DGKI: variants seen among roughly 807,000 people sequenced by gnomAD.
The protein encoded by DGKI is DAG kinase iota.
In DGKI, 55 loss-of-function variants were observed where a neutral mutation model predicts 147.5. That is an observed-to-expected ratio of 0.37 (90% CI 0.30 to 0.47). DGKI has a LOEUF of 0.47. Ranked by LOEUF, DGKI falls within the 20% of genes least tolerant of loss-of-function variation. The pLI, the probability that DGKI is intolerant of heterozygous loss-of-function variation, is 1.00. For missense variants in DGKI, 1,007 were observed against 1,323.8 expected, an observed-to-expected ratio of 0.76 and a Z score of 3.71; for synonymous variants, 469 against 477.1, an observed-to-expected ratio of 0.98 and a Z score of 0.22.
chr7:137,534,335 T>G (rs1817446110), intron 20 of DGKI, among the ~76,000 whole-genome samples: 1 of 152,078 alleles, frequency 6.6e-6, no homozygotes, highest in Admixed American at 6.6e-5. Flanking sequence ...AATATTTAGG[T>G]TTTTTGTTTT....
chr7:137,469,765 G>C (rs1043528182), intron 23 of DGKI, 146 bp from the exon 24 acceptor site: 1 of 540,478 alleles, frequency 1.9e-6, no homozygotes, highest in Non-Finnish European at 3.1e-6. Context: ...ACAAAGAAGG[G>C]CTCTTTTTTG....
At chr7:137,718,383 G>A (rs1794446333) in intron 1 of DGKI, among the ~76,000 whole-genome samples, 1 of 152,166 alleles carries the variant, frequency 6.6e-6, no homozygotes, top group South Asian at 2.1e-4. Flanking sequence ...GAGGAGAGAT[G>A]CCCACCCTGC....
rs201882786 is a variant in DGKI, at chr7:137,678,681, A to AT, written c.511-30dup. 5,590 of 1,471,792 alleles carry AT rather than the reference A, an allele frequency of 3.8e-3. 2 individuals carry two copies. Among genetic ancestry groups the AT allele is most frequent in the African/African-American group, 8.7e-3 (616 of 71,132 alleles). 91.2% of individuals were successfully genotyped at this position (1,471,792 alleles called of 1,614,324 possible). On this transcript the variant is annotated intron_variant, in intron 2 of 32. Transcript: ENST00000614521. ...CAAGGAAAAGACCCACCTGACATCA[A>AT]TTTTTTTTTTCCAGGGATAAGGAAA...
At chr7:137,466,128 A>G (rs1368514686) in intron 25 of DGKI, 93 bp from the exon 26 acceptor site, 1 of 1,456,044 alleles carries the variant, frequency 6.9e-7, no homozygotes, top group Non-Finnish European at 9.5e-7. Context: ...GTGTCAAAGG[A>G]TCACACTGTG....
In DGKI at chr7:137,397,406, G is replaced by A. The variant is rs745663362; in HGVS notation, c.2928C>T (p.Ser976=). The A allele has an allele frequency of 3.3e-5, 54 of 1,612,722 alleles. No individual in the cohort carries two copies. Among genetic ancestry groups the A allele is most frequent in the South Asian group, 2.4e-4 (22 of 90,862 alleles). ...CACTGTCTGCCATATCCAATAACTC[G>A]GAAGGTCCTAAATAAGAAGAAAGCA... The part of the protein sequence containing the change: ...IVKYILDHGP[S]ELLDMADSET... Residue 976 remains serine (S), a synonymous_variant, in exon 31 of 33, where the codon TCC becomes TCT. Transcript: ENST00000614521.
chr7:137,751,940 C>G (rs1795500428), intron 1 of DGKI, among the ~76,000 whole-genome samples: 1 of 152,100 alleles, frequency 6.6e-6, no homozygotes, highest in Non-Finnish European at 1.5e-5. Context: ...AACAAAGCAG[C>G]ATCACTTTAT....
At chr7:137,579,436 TAA>T (rs71533758) in intron 15 of DGKI, among the ~76,000 whole-genome samples, 16 of 108,140 alleles carry the variant, frequency 1.5e-4, no homozygotes, top group Non-Finnish European at 2.3e-4. Context: ...ACAGAAACAG[TAA>T]AAAAAAAAAA....
chr7:137,607,286 T>C (rs1056300629), intron 10 of DGKI, among the ~76,000 whole-genome samples: 1 of 152,242 alleles, frequency 6.6e-6, no homozygotes, highest in Non-Finnish European at 1.5e-5. Context: ...AGAAGTCACA[T>C]GCAGTTAATG....
At chr7:137,450,148 G>A (rs1813894809) in intron 27 of DGKI, among the ~76,000 whole-genome samples, 1 of 152,108 alleles carries the variant, frequency 6.6e-6, no homozygotes, top group Non-Finnish European at 1.5e-5. Flanking sequence ...GAGGGAGATG[G>A]GAGACATGCT....
At chr7:137,704,914 T>G (rs1314217830) in intron 1 of DGKI, among the ~76,000 whole-genome samples, 1 of 152,142 alleles carries the variant, frequency 6.6e-6, no homozygotes, top group East Asian at 1.9e-4. Flanking sequence ...AACCAAGAAT[T>G]TTATATCCAG....
rs76949369 is a variant in DGKI, at chr7:137,405,601, T to A, written c.2920+2274A>T. The stretch of plus-strand genomic sequence containing the variant: ...TTTCACAGCTCATGCCATCAAACAG[T>A]GGAATCTGTTTCCCAACCTTTTAAA... On this transcript the variant is annotated intron_variant, in intron 30 of 32. Transcript: ENST00000614521. Among the ~76,000 whole-genome samples the A allele has an allele frequency of 1.5e-4, 23 of 152,272 alleles. No individual in the cohort carries two copies. The East Asian group carries it at 4.1e-3, about 27-fold the overall frequency.
At chr7:137,743,735 G>C (rs1381362543) in intron 1 of DGKI, among the ~76,000 whole-genome samples, 1 of 152,128 alleles carries the variant, frequency 6.6e-6, no homozygotes, top group Non-Finnish European at 1.5e-5. Flanking sequence ...TGTAATCCCA[G>C]CACTTTGGGA....
At chr7:137,410,417 C>G (rs1239518078) in intron 29 of DGKI, among the ~76,000 whole-genome samples, 3 of 152,044 alleles carry the variant, frequency 2.0e-5, no homozygotes, top group African/African-American at 7.2e-5. Context: ...AAAACAAAAA[C>G]AAAATAAGGT....
At chr7:137,715,406 T>C (rs906208576) in intron 1 of DGKI, among the ~76,000 whole-genome samples, 1 of 152,166 alleles carries the variant, frequency 6.6e-6, no homozygotes, top group African/African-American at 2.4e-5. Context: ...AAACCCAGAT[T>C]GAGAAATGCT....
intron 1 of DGKI, among the ~76,000 whole-genome samples, chr7:137,775,888 C>T (rs1443176338): frequency 1.3e-5 from 2 of 151,312 alleles, no homozygotes; most frequent in East Asian, 1.9e-4. Flanking sequence ...CAGAGTTTTT[C>T]GCCCTTTTTG....
Position 137,689,926 on chromosome 7 carries a change from C to G in DGKI, c.478G>C (p.Ala160Pro). The G allele has an allele frequency of 6.2e-7, 1 of 1,607,406 alleles. No individual in the cohort carries two copies. The highest frequency in any genetic ancestry group is 1.3e-5 in the African/African-American group (1 of 74,728). The change falls in exon 2 of 33, where the codon GCC becomes CCC. Residue 160 changes from alanine (A) to proline (P), a missense_variant. Transcript: ENST00000614521. The stretch of plus-strand genomic sequence containing the variant: ...TCCAAAGTCGCTCTGGGCTCCTTGG[C>G]TGGACCATTTGCCACAGGAAGGCTG... Reference protein sequence around the residue: ...PLSLPVANGPAKEPRATLDWS... With the variant: ...PLSLPVANGPPKEPRATLDWS...
chr7:137,562,752 A>G (rs1263898404), intron 19 of DGKI, among the ~76,000 whole-genome samples: 1 of 152,178 alleles, frequency 6.6e-6, no homozygotes, highest in African/African-American at 2.4e-5. Context: ...GAAGAAATAG[A>G]TAATATGAAT....
At chr7:137,741,611 A>G (rs891278649) in intron 1 of DGKI, among the ~76,000 whole-genome samples, 5 of 152,220 alleles carry the variant, frequency 3.3e-5, no homozygotes, top group Admixed American at 3.3e-4. Context: ...GAACGATAAG[A>G]TGAAACAAAC....
chr7:137,485,801 T>C (rs540844966), intron 22 of DGKI, among the ~76,000 whole-genome samples: 5 of 152,212 alleles, frequency 3.3e-5, no homozygotes, highest in Non-Finnish European at 7.4e-5. Flanking sequence ...GGAAATCCCT[T>C]TAAACACTTA....
Sources: gnomAD v4.1 joint callset for allele counts (sites outside exome capture counted in the v4.1 genomes callset) on GRCh38, gnomAD v4.1.1 for gene constraint, MANE v1.5 for transcripts, NCBI Gene and HGNC (gene_info 2026-07-23, HGNC 2026-07-21) for gene names.